TBC1D15: variants seen among roughly 807,000 people sequenced by gnomAD.
TBC1D15 encodes the protein GAP for RAB7.
TBC1D15 carries 39 observed loss-of-function variants against 95.4 expected under a neutral mutation model. The observed-to-expected ratio is 0.41, with a 90% CI of 0.32 to 0.53. The LOEUF (loss-of-function observed/expected upper bound fraction) is 0.53, where lower values mean the gene tolerates loss of function less well. Ranked by LOEUF, TBC1D15 falls within the 20% of genes least tolerant of loss-of-function variation. The pLI is 0.29. For missense variants in TBC1D15, 733 were observed against 794.3 expected (o/e 0.92, Z 0.93); for synonymous variants, 258 against 261.3 (o/e 0.99, Z 0.12).
At chr12:71,919,460 T>C (rs1868410686) in intron 14 of TBC1D15, among the ~76,000 whole-genome samples, 1 of 152,276 alleles carries the variant, frequency 6.6e-6, no homozygotes, top group South Asian at 2.1e-4. Flanking sequence ...AAATCCAACT[T>C]TATACAGTGG....
At chr12:71,841,058 T>C (rs1204328039) in intron 1 of TBC1D15, 1 of 152,236 alleles carries the variant, frequency 6.6e-6, no homozygotes. Flanking sequence ...GGATTATTCG[T>C]GCTCCTTGGT....
intron 12 of TBC1D15, among the ~76,000 whole-genome samples, chr12:71,914,882 T>G (rs17110403): frequency 0.016 from 2,497 of 152,136 alleles, 73 homozygotes; most frequent in African/African-American, 0.058. Context: ...CCTATTTTTC[T>G]TTCTCCTTCA....
chr12:71,889,472 G>C (rs1022958949), intron 5 of TBC1D15, among the ~76,000 whole-genome samples: 9 of 152,038 alleles, frequency 5.9e-5, no homozygotes, highest in African/African-American at 2.2e-4. Flanking sequence ...CACAAATTAT[G>C]CCCAAATATA....
intron 10 of TBC1D15, among the ~76,000 whole-genome samples, chr12:71,903,304 AAAC>A (rs1899886132): frequency 6.6e-6 from 1 of 152,204 alleles, no homozygotes; most frequent in African/African-American, 2.4e-5. Context: ...ATACAATTCA[AAAC>A]AACAATGAGA....
Position 71,897,861 on chromosome 12 carries a change from G to A in TBC1D15, c.1103G>A (p.Arg368Lys), listed in dbSNP as rs1898531861. ...GTTTTCTATAGTGATGAATACTTCAGAATGAAACTGCAGTGGAAATCCATC... is the reference window on the plus strand; with the variant it reads ...GTTTTCTATAGTGATGAATACTTCAAAATGAAACTGCAGTGGAAATCCATC... ...LQKQKTDEYFRMKLQWKSISQ... is the reference protein window; with the variant it reads ...LQKQKTDEYFKMKLQWKSISQ... The change falls in exon 10 of 17, where the codon AGA becomes AAA. Residue 368 changes from arginine (R) to lysine (K), a missense_variant. Coordinates refer to ENST00000485960, the MANE Select transcript of TBC1D15 (RefSeq NM_001146213.3). 1 of 1,612,336 alleles carries A rather than the reference G, an allele frequency of 6.2e-7. No homozygotes were observed. Among genetic ancestry groups the A allele is most frequent in the Non-Finnish European group, 8.5e-7 (1 of 1,178,876 alleles).
intron 1 of TBC1D15, among the ~76,000 whole-genome samples, chr12:71,852,813 C>T (rs1294978691): frequency 6.6e-6 from 1 of 152,182 alleles, no homozygotes; most frequent in East Asian, 1.9e-4. Flanking sequence ...CTGGCCTTCA[C>T]TCTCCGTATC....
rs542625825 is a variant in TBC1D15, at chr12:71,873,830, C to G, written c.204+827C>G. On this transcript the variant is annotated intron_variant, in intron 3 of 16. Coordinates refer to ENST00000485960, the MANE Select transcript of TBC1D15 (RefSeq NM_001146213.3). ...CACAAACTGGGTGGCTTAGAACAGT[C>G]TTAATTTATTGTCTCTCAGTTCTGG... is the stretch of plus-strand genomic sequence containing the variant. 1.9e-4 allele frequency among the ~76,000 whole-genome samples: 29 copies of G among 152,270 alleles called. No individual in the cohort carries two copies. The South Asian group carries it at 5.4e-3, about 28-fold the overall frequency.
chr12:71,873,645 C>G (rs4760746), intron 3 of TBC1D15, among the ~76,000 whole-genome samples: 16 of 151,952 alleles, frequency 1.1e-4, no homozygotes, highest in Non-Finnish European at 1.2e-4. Context: ...GGAACTGCCA[C>G]ACTTTTTCAG....
chr12:71,922,458 G>T (rs1204224857), intron 16 of TBC1D15, among the ~76,000 whole-genome samples: 2 of 151,764 alleles, frequency 1.3e-5, no homozygotes, highest in East Asian at 4.0e-4. Context: ...TGTTACATAG[G>T]TATACATGTG....
intron 5 of TBC1D15, among the ~76,000 whole-genome samples, chr12:71,888,203 G>T (rs757550761): frequency 1.3e-5 from 2 of 152,214 alleles, no homozygotes; most frequent in Non-Finnish European, 2.9e-5. Context: ...CAGAGATGGG[G>T]ATGGGCACAC....
intron 4 of TBC1D15, among the ~76,000 whole-genome samples, chr12:71,881,370 A>G (rs908275693): frequency 6.6e-6 from 1 of 152,220 alleles, no homozygotes; most frequent in East Asian, 1.9e-4. Flanking sequence ...TAATCTGACA[A>G]TAAAGATCAC....
At chr12:71,898,298 C>CA in intron 10 of TBC1D15, among the ~76,000 whole-genome samples, 1 of 151,636 alleles carries the variant, frequency 6.6e-6, no homozygotes, top group East Asian at 1.9e-4. Flanking sequence ...TGTAGATGAG[C>CA]AAAAAGAGGT....
chr12:71,848,226 T>C (rs756434843), intron 1 of TBC1D15, among the ~76,000 whole-genome samples: 120 of 152,230 alleles, frequency 7.9e-4, no homozygotes, highest in Non-Finnish European at 5.3e-4. Context: ...GGCTGGATCA[T>C]ATATATTAGT....
chr12:71,885,528 A>G (rs762379914), intron 5 of TBC1D15, among the ~76,000 whole-genome samples: 2 of 152,174 alleles, frequency 1.3e-5, no homozygotes, highest in Non-Finnish European at 2.9e-5. Flanking sequence ...ACTCTCAGCA[A>G]ATATTTTTTG....
At chr12:71,883,603 C>T (rs1321651385) in intron 4 of TBC1D15, among the ~76,000 whole-genome samples, 2 of 152,112 alleles carry the variant, frequency 1.3e-5, no homozygotes, top group Non-Finnish European at 2.9e-5. Context: ...TACATCCATG[C>T]AGGTCAACAC....
At chr12:71,849,163 T>TAAAA (rs3832834) in intron 1 of TBC1D15, 3 of 177,568 alleles carry the variant, frequency 1.7e-5, no homozygotes, top group African/African-American at 3.0e-5. Context: ...ACTGTGATTA[T>TAAAA]AAAAAAAAAA....
rs757328751 is a variant in TBC1D15, at chr12:71,923,213, C to A, written c.*9C>A. On this transcript the variant is annotated 3_prime_UTR_variant, in exon 17 of 17. Transcript: ENST00000485960. ...GATTAACACCTGCATGATCACTGTT[C>A]TTGCTTTTTTGGGAAGAGACACTTT... 1.9e-6 allele frequency: 3 copies of A among 1,610,678 alleles called. No individual in the cohort carries two copies. In the East Asian group the frequency reaches 6.7e-5, roughly 36 times the overall value.
chr12:71,873,482 C>T (rs957430559), intron 3 of TBC1D15, among the ~76,000 whole-genome samples: 4 of 152,090 alleles, frequency 2.6e-5, no homozygotes, highest in Admixed American at 2.6e-4. Context: ...AATTGATGGA[C>T]ATTTGGGTTG....
intron 5 of TBC1D15, among the ~76,000 whole-genome samples, chr12:71,885,942 T>C (rs993838277): frequency 1.3e-5 from 2 of 151,650 alleles, no homozygotes; most frequent in Non-Finnish European, 2.9e-5. Flanking sequence ...GAGGGGAGGG[T>C]GATACAGTTA....
Sources: gnomAD v4.1 joint callset for allele counts (sites outside exome capture counted in the v4.1 genomes callset) on GRCh38, gnomAD v4.1.1 for gene constraint, MANE v1.5 for transcripts, NCBI Gene and HGNC (gene_info 2026-07-23, HGNC 2026-07-21) for gene names.